TFDP2: variants seen among roughly 807,000 people sequenced by gnomAD.
TFDP2 encodes transcription factor Dp-2.
A neutral mutation model predicts 59.3 loss-of-function variants in TFDP2; 17 were observed. That is an observed-to-expected ratio of 0.29 (90% CI 0.20 to 0.43). The LOEUF is 0.43. TFDP2 is among the 20% of genes least tolerant of loss of function. TFDP2 has a pLI of 1.00. For synonymous variants in TFDP2, 180 were observed against 194.7 expected (o/e 0.92, Z 0.63); for missense variants, 391 against 528.8 (o/e 0.74, Z 2.56).
chr3:142,139,696 C>T (rs926252352), intron 1 of TFDP2, among the ~76,000 whole-genome samples: 2 of 152,166 alleles, frequency 1.3e-5, no homozygotes, highest in Admixed American at 1.3e-4. Flanking sequence ...ATAATGGCCC[C>T]CACTCTCTTC....
intron 6 of TFDP2, among the ~76,000 whole-genome samples, chr3:141,983,243 C>T (rs1014828525): frequency 2.0e-5 from 3 of 152,112 alleles, no homozygotes; most frequent in Non-Finnish European, 4.4e-5. Flanking sequence ...TCCAGTAAGC[C>T]ACTTTGAAAG....
intron 9 of TFDP2, among the ~76,000 whole-genome samples, chr3:141,969,041 GATAT>G (rs1389480740): frequency 1.4e-5 from 1 of 72,238 alleles, no homozygotes; most frequent in Non-Finnish European, 2.6e-5. Flanking sequence ...CTCATATATA[GATAT>G]ATATATAACA....
intron 3 of TFDP2, among the ~76,000 whole-genome samples, chr3:142,041,190 A>G (rs543165140): frequency 1.3e-5 from 2 of 152,348 alleles, no homozygotes; most frequent in Admixed American, 1.3e-4. Flanking sequence ...AAAACTTTGC[A>G]ATTGACTAAC....
intron 3 of TFDP2, among the ~76,000 whole-genome samples, chr3:142,069,394 G>A (rs78682891): frequency 6.6e-6 from 1 of 152,036 alleles, no homozygotes; most frequent in Non-Finnish European, 1.5e-5. Context: ...ATACTGTAAA[G>A]ATTAACTTTT....
At chr3:142,051,915 C>G (rs1012637059) in intron 3 of TFDP2, among the ~76,000 whole-genome samples, 1 of 151,908 alleles carries the variant, frequency 6.6e-6, no homozygotes, top group African/African-American at 2.4e-5. Context: ...TGCTTGAGCC[C>G]AAGAGTTCGA....
chr3:141,997,849 CAAAAAAAAAAA>C (rs3058569), intron 4 of TFDP2, among the ~76,000 whole-genome samples: 2 of 84,020 alleles, frequency 2.4e-5, no homozygotes, highest in African/African-American at 9.4e-5. Context: ...GACTCCATCT[CAAAAAAAAAAA>C]AAAAAAAAAA....
intron 1 of TFDP2, among the ~76,000 whole-genome samples, chr3:142,146,812 T>G (rs1157816008): frequency 6.6e-6 from 1 of 152,126 alleles, no homozygotes; most frequent in Non-Finnish European, 1.5e-5. Context: ...GGTTAAAGAC[T>G]GAGAATATTT....
intron 7 of TFDP2, among the ~76,000 whole-genome samples, chr3:141,977,966 T>C (rs1940950463): frequency 1.3e-5 from 2 of 150,054 alleles, no homozygotes; most frequent in African/African-American, 4.9e-5. Flanking sequence ...CACCTCAGAC[T>C]CCCAAAGTGC....
At chr3:141,971,821 T>A (rs912439908) in intron 8 of TFDP2, among the ~76,000 whole-genome samples, 1 of 152,236 alleles carries the variant, frequency 6.6e-6, no homozygotes, top group African/African-American at 2.4e-5. Flanking sequence ...GTTCTGTTTC[T>A]GCCTCTATCC....
intron 1 of TFDP2, among the ~76,000 whole-genome samples, chr3:142,132,387 G>A (rs2062548610): frequency 6.7e-6 from 1 of 149,932 alleles, no homozygotes; most frequent in Non-Finnish European, 1.5e-5. Context: ...TAGTGATGAT[G>A]GCTGCACATA....
intron 2 of TFDP2, among the ~76,000 whole-genome samples, chr3:142,093,397 G>C (rs540605503): frequency 7.2e-5 from 11 of 151,838 alleles, no homozygotes; most frequent in Non-Finnish European, 1.5e-4. Flanking sequence ...GTTGCAGTGA[G>C]CTGAGATCAT....
intron 3 of TFDP2, among the ~76,000 whole-genome samples, chr3:142,085,595 C>T (rs985085075): frequency 6.6e-6 from 1 of 151,938 alleles, no homozygotes; most frequent in Non-Finnish European, 1.5e-5. Flanking sequence ...ATTTATTACT[C>T]TTTTATTAAG....
chr3:142,008,006 TG>T (rs1291299992), intron 3 of TFDP2, among the ~76,000 whole-genome samples: 2 of 152,194 alleles, frequency 1.3e-5, no homozygotes, highest in African/African-American at 4.8e-5. Context: ...TGCTTTATGC[TG>T]CTGGCACTCG....
intron 3 of TFDP2, among the ~76,000 whole-genome samples, chr3:142,051,089 CAG>C (rs1355106524): frequency 2.0e-5 from 3 of 152,294 alleles, no homozygotes; most frequent in African/African-American, 7.2e-5. Context: ...GCAGCTACAG[CAG>C]AGTTTCTCAA....
At chr3:142,058,030 C>CA (rs1319540138) in intron 3 of TFDP2, among the ~76,000 whole-genome samples, 5 of 152,194 alleles carry the variant, frequency 3.3e-5, no homozygotes, top group Admixed American at 3.3e-4. Context: ...AATTATCTTA[C>CA]AAGATTCCAC....
At chr3:141,998,889 CAA>C (rs1333642380) in intron 4 of TFDP2, among the ~76,000 whole-genome samples, 4 of 151,906 alleles carry the variant, frequency 2.6e-5, no homozygotes, top group African/African-American at 9.7e-5. Context: ...TAAAAAAAGC[CAA>C]GACAGCATAT....
At chr3:142,080,874 A>G (rs982796112) in intron 3 of TFDP2, among the ~76,000 whole-genome samples, 1 of 152,212 alleles carries the variant, frequency 6.6e-6, no homozygotes, top group Non-Finnish European at 1.5e-5. Flanking sequence ...TAAACCCCCA[A>G]TACAATAATA....
At chr3:141,958,852 T>TC (rs1937011384) in intron 11 of TFDP2, among the ~76,000 whole-genome samples, 2 of 151,802 alleles carry the variant, frequency 1.3e-5, no homozygotes, top group African/African-American at 2.4e-5. Context: ...TTCAGTCCAC[T>TC]CCTCCTCTCT....
chr3:141,973,123 A>ATTTTTTT (rs761950988), intron 8 of TFDP2, among the ~76,000 whole-genome samples: 21 of 57,978 alleles, frequency 3.6e-4, no homozygotes, highest in Non-Finnish European at 6.3e-4. Flanking sequence ...ATATATATAT[A>ATTTTTTT]TTTTTTTTTT....
Sources: allele counts gnomAD v4.1 joint callset (sites outside exome capture counted in the v4.1 genomes callset), GRCh38; gene constraint gnomAD v4.1.1; transcripts MANE v1.5; gene names NCBI Gene and HGNC (gene_info 2026-07-23, HGNC 2026-07-21).